PPM1L: variants seen among roughly 807,000 people sequenced by gnomAD.
The protein encoded by PPM1L is protein phosphatase 1L.
A neutral mutation model predicts 31.4 loss-of-function variants in PPM1L; 13 were observed. That is an observed-to-expected ratio of 0.41 (90% CI 0.27 to 0.66). The LOEUF (loss-of-function observed/expected upper bound fraction) is 0.66, where lower values mean the gene tolerates loss of function less well. Ranked by LOEUF, PPM1L falls within the 30% of genes least tolerant of loss-of-function variation. The pLI is 0.29. For synonymous variants in PPM1L, 184 were observed against 175.4 expected (o/e 1.05, Z -0.39); for missense variants, 326 against 453.7 (o/e 0.72, Z 2.56).
At chr3:160,842,063 G>C (rs529289861) in intron 1 of PPM1L, 2 of 482,806 alleles carry the variant, frequency 4.1e-6, no homozygotes, top group South Asian at 7.4e-5. Flanking sequence ...AAGATAAATA[G>C]GAGAGTTTAT....
At chr3:160,886,603 C>T (rs1329898438) in intron 1 of PPM1L, among the ~76,000 whole-genome samples, 1 of 152,120 alleles carries the variant, frequency 6.6e-6, no homozygotes, top group Non-Finnish European at 1.5e-5. Context: ...CAAACCGCAG[C>T]AGCCCTACAG....
At chr3:160,971,485 A>G (rs1436930042) in intron 2 of PPM1L, among the ~76,000 whole-genome samples, 1 of 152,184 alleles carries the variant, frequency 6.6e-6, no homozygotes. Flanking sequence ...GCCAGTAAAA[A>G]CAGACAACTA....
chr3:160,786,203 A>T (rs1429194611), intron 1 of PPM1L, among the ~76,000 whole-genome samples: 2 of 69,940 alleles, frequency 2.9e-5, no homozygotes, highest in Non-Finnish European at 4.8e-5. Flanking sequence ...ATATATATAT[A>T]TATATTTTTT....
intron 2 of PPM1L, among the ~76,000 whole-genome samples, chr3:161,029,656 C>A (rs1057064964): frequency 2.0e-5 from 3 of 151,806 alleles, no homozygotes; most frequent in African/African-American, 7.3e-5. Flanking sequence ...CCATTTTTTT[C>A]TTGACTTTGC....
chr3:160,822,022 A>G (rs1210474578), intron 1 of PPM1L, among the ~76,000 whole-genome samples: 1 of 152,032 alleles, frequency 6.6e-6, no homozygotes, highest in Non-Finnish European at 1.5e-5. Flanking sequence ...GCCTGTATTC[A>G]CGCTATACCA....
intron 2 of PPM1L, among the ~76,000 whole-genome samples, chr3:160,975,891 C>T (rs1489929994): frequency 6.8e-5 from 10 of 146,404 alleles, no homozygotes; most frequent in African/African-American, 2.5e-4. Context: ...ATTGCCCTGG[C>T]CAGAACTTCC....
intron 1 of PPM1L, among the ~76,000 whole-genome samples, chr3:160,833,889 G>C (rs1381644158): frequency 6.6e-6 from 1 of 151,856 alleles, no homozygotes; most frequent in Non-Finnish European, 1.5e-5. Flanking sequence ...TTTTCTTCTA[G>C]GGTTTTTATA....
intron 2 of PPM1L, among the ~76,000 whole-genome samples, chr3:161,021,801 A>G (rs745545589): frequency 6.6e-6 from 1 of 151,814 alleles, no homozygotes; most frequent in Non-Finnish European, 1.5e-5. Context: ...TGTCTGAAGT[A>G]TATTTTTTCT....
chr3:160,927,955 C>T (rs1304558794), intron 1 of PPM1L, among the ~76,000 whole-genome samples: 4 of 152,136 alleles, frequency 2.6e-5, no homozygotes, highest in African/African-American at 9.7e-5. Context: ...CCAGATCATA[C>T]CACAAAGCCT....
intron 1 of PPM1L, among the ~76,000 whole-genome samples, chr3:160,846,572 A>G (rs1239073876): frequency 6.6e-6 from 1 of 152,124 alleles, no homozygotes; most frequent in African/African-American, 2.4e-5. Context: ...TTAAAGTACA[A>G]CAGTGTCCTG....
At chr3:160,867,710 T>C (rs1477574298) in intron 1 of PPM1L, among the ~76,000 whole-genome samples, 1 of 152,164 alleles carries the variant, frequency 6.6e-6, no homozygotes, top group African/African-American at 2.4e-5. Flanking sequence ...ATAGCGATAA[T>C]TTTTTAATGA....
chr3:160,880,752 G>T (rs1031156544), intron 1 of PPM1L, among the ~76,000 whole-genome samples: 1 of 151,964 alleles, frequency 6.6e-6, no homozygotes, highest in Non-Finnish European at 1.5e-5. Flanking sequence ...CTCACCTGCC[G>T]AAAGTTTAAC....
intron 3 of PPM1L, among the ~76,000 whole-genome samples, chr3:161,068,310 GC>G (rs1264076039): frequency 1.3e-5 from 2 of 152,198 alleles, no homozygotes; most frequent in African/African-American, 4.8e-5. Context: ...TCTGACCTGA[GC>G]CTTTAATGAC....
chr3:160,816,475 T>G (rs1712997990), intron 1 of PPM1L, among the ~76,000 whole-genome samples: 1 of 119,002 alleles, frequency 8.4e-6, no homozygotes, highest in Non-Finnish European at 1.7e-5. Context: ...AAAGACAGAG[T>G]CTGTTTTTTT....
intron 2 of PPM1L, among the ~76,000 whole-genome samples, chr3:161,048,575 A>G (rs1350536450): frequency 6.6e-6 from 1 of 152,174 alleles, no homozygotes; most frequent in African/African-American, 2.4e-5. Context: ...CCATCTCATT[A>G]CTGGGTATAT....
chr3:161,063,949 C>G (rs538175768), intron 2 of PPM1L, among the ~76,000 whole-genome samples: 2 of 152,004 alleles, frequency 1.3e-5, no homozygotes, highest in Non-Finnish European at 2.9e-5. Context: ...TGTTCTCACT[C>G]GTAAGTGGGA....
chr3:160,767,902 A>G (rs1295494339), intron 1 of PPM1L, among the ~76,000 whole-genome samples: 1 of 152,162 alleles, frequency 6.6e-6, no homozygotes, highest in Non-Finnish European at 1.5e-5. Context: ...TATCGTTTTA[A>G]TTAAATGAAT....
intron 1 of PPM1L, among the ~76,000 whole-genome samples, chr3:160,916,302 T>TG (rs1714178713): frequency 6.6e-6 from 1 of 152,036 alleles, no homozygotes; most frequent in African/African-American, 2.4e-5. Context: ...AAAACACACA[T>TG]GAAAAAATGC....
chr3:161,064,566 T>G (rs1401759063), intron 2 of PPM1L, among the ~76,000 whole-genome samples: 2 of 152,068 alleles, frequency 1.3e-5, no homozygotes, highest in Non-Finnish European at 2.9e-5. Flanking sequence ...TCAGCAGGTA[T>G]TTGCATATTG....
Sources: gnomAD v4.1 joint callset for allele counts (sites outside exome capture counted in the v4.1 genomes callset) on GRCh38, gnomAD v4.1.1 for gene constraint, MANE v1.5 for transcripts, NCBI Gene and HGNC (gene_info 2026-07-23, HGNC 2026-07-21) for gene names.